Variants in SNAP91 observed in about 807,000 individuals in gnomAD.
SNAP91 encodes synaptosome associated protein 91.
In SNAP91, 27 loss-of-function variants were observed where a neutral mutation model predicts 100.3. That is an observed-to-expected ratio of 0.27 (90% confidence interval 0.20 to 0.37). The LOEUF is 0.37. SNAP91 is among the 10% of genes least tolerant of loss of function. The pLI is 1.00. For missense variants in SNAP91, 986 were observed against 1,123.7 expected (o/e 0.88, Z 1.75); for synonymous variants, 404 against 398.6 (o/e 1.01, Z -0.16).
intron 26 of SNAP91, among the ~76,000 whole-genome samples, chr6:83,570,954 T>C (rs982946858): frequency 4.6e-5 from 7 of 152,022 alleles, no homozygotes; most frequent in Admixed American, 1.3e-4. Context: ...GCCACTGTCC[T>C]CCAGACCCCA....
At chr6:83,665,695 T>A (rs1349765215) in intron 2 of SNAP91, 114 bp from the exon 3 acceptor site, 2 of 820,870 alleles carry the variant, frequency 2.4e-6, no homozygotes, top group Non-Finnish European at 3.7e-6. Context: ...AGTACTTTGA[T>A]AATAGCTGAT....
At position 83,696,642 on chromosome 6, in the gene SNAP91, T is replaced by C. The variant is rs140479949; in HGVS notation, c.130+11156A>G. Among the ~76,000 whole-genome samples the C allele has an allele frequency of 1.1e-4, 17 of 152,356 alleles. No individual in the cohort carries two copies. The East Asian group carries it at 3.3e-3, about 29-fold the overall frequency. On this transcript the variant is annotated intron_variant, in intron 2 of 29. Transcript: ENST00000369694. ...ACACAGCATTCTGCAGCAGTTCTTG[T>C]TCACACCTCACCTACTTTAAGTACC... is the stretch of plus-strand genomic sequence containing the variant.
Position 83,605,588 on chromosome 6 carries a change from T to G in SNAP91, c.1141+97A>C, listed in dbSNP as rs541581069. 8.2e-5 allele frequency: 120 copies of G among 1,460,598 alleles called. No individual in the cohort carries two copies. The East Asian group carries it at 2.9e-3, about 36-fold the overall frequency. 90.5% of individuals were successfully genotyped at this position (1,460,598 alleles called of 1,614,324 possible). A position where few individuals can be genotyped will look rare whatever the true frequency, so the allele number is the denominator to read the frequency against. ...TCCCTCCAAGTTTCTAATACCATTT[T>G]AGATAATCAAAAGGTAAATGTTAAC... is the stretch of plus-strand genomic sequence containing the variant. On this transcript the variant is annotated intron_variant, in intron 14 of 29. Coordinates refer to ENST00000369694, the MANE Select transcript of SNAP91 (RefSeq NM_001242792.2).
chr6:83,657,866 A>T (rs2098444529), intron 6 of SNAP91, among the ~76,000 whole-genome samples: 1 of 151,564 alleles, frequency 6.6e-6, no homozygotes, highest in African/African-American at 2.4e-5. Context: ...TCCCAGGTTC[A>T]AGCGATCCTC....
chr6:83,634,234 G>A (rs1226531188), intron 8 of SNAP91, among the ~76,000 whole-genome samples: 4 of 152,180 alleles, frequency 2.6e-5, no homozygotes, highest in Non-Finnish European at 5.9e-5. Context: ...CTTGCTAGGG[G>A]ACCCAGTAAG....
intron 2 of SNAP91, among the ~76,000 whole-genome samples, chr6:83,675,349 A>G (rs2098846307): frequency 1.3e-5 from 2 of 152,238 alleles, no homozygotes; most frequent in African/African-American, 4.8e-5. Flanking sequence ...GTATTTTTAT[A>G]TTAACATGTG....
intron 17 of SNAP91, 149 bp downstream of exon 17, chr6:83,594,225 T>C: frequency 4.5e-6 from 3 of 669,472 alleles, no homozygotes; most frequent in Non-Finnish European, 7.6e-6. Context: ...CTTAATGTTT[T>C]AAATGCTGGC....
At chr6:83,646,952 T>C (rs2097944285) in intron 7 of SNAP91, among the ~76,000 whole-genome samples, 1 of 152,208 alleles carries the variant, frequency 6.6e-6, no homozygotes, top group African/African-American at 2.4e-5. Context: ...GTGCTGATGT[T>C]AATGGCATTG....
chr6:83,661,575 A>G lies in SNAP91; in HGVS notation c.379T>C (p.Tyr127His). 1.2e-6 allele frequency: 2 copies of G among 1,607,564 alleles called. No homozygotes were observed. The highest frequency in any genetic ancestry group is 4.5e-5 in the East Asian group (2 of 44,734). ...GYDMSTFIRR[Y>H]SRYLNEKAFS... ...GCCTTTTCATTCAAATATCTACTAT[A>G]GCGCCTTATGAAGGTAGACATATCA... The change falls in exon 5 of 30, where the codon TAT becomes CAT. Residue 127 changes from tyrosine (Y) to histidine (H), a missense_variant. By Grantham distance (83) the Tyr-to-His change is moderately conservative. This residue lies in a region of SNAP91 where 330 missense variants were observed against 447.5 expected (regional missense o/e 0.74). Coordinates refer to ENST00000369694, the MANE Select transcript of SNAP91 (RefSeq NM_001242792.2).
intron 2 of SNAP91, among the ~76,000 whole-genome samples, chr6:83,676,623 C>T (rs561261203): frequency 7.2e-5 from 11 of 152,156 alleles, no homozygotes; most frequent in African/African-American, 2.7e-4. Flanking sequence ...AGGTTCCAGA[C>T]AACTCTGTGC....
At chr6:83,700,153 T>C (rs2099272980) in intron 2 of SNAP91, among the ~76,000 whole-genome samples, 1 of 152,156 alleles carries the variant, frequency 6.6e-6, no homozygotes, top group Non-Finnish European at 1.5e-5. Flanking sequence ...TAAATTTCTT[T>C]TCGTGGGAAG....
chr6:83,568,593 C>A (rs972070478), intron 26 of SNAP91, among the ~76,000 whole-genome samples: 1 of 151,884 alleles, frequency 6.6e-6, no homozygotes, highest in African/African-American at 2.4e-5. Context: ...ATGACAGAGC[C>A]CTGCCAGCAG....
chr6:83,613,101 G>A (rs2096258982), intron 11 of SNAP91, among the ~76,000 whole-genome samples: 1 of 152,038 alleles, frequency 6.6e-6, no homozygotes, highest in African/African-American at 2.4e-5. Flanking sequence ...ATTTTGCCAA[G>A]CTTCCACATA....
intron 11 of SNAP91, among the ~76,000 whole-genome samples, chr6:83,611,757 C>T (rs915044501): frequency 9.3e-5 from 14 of 150,674 alleles, no homozygotes; most frequent in African/African-American, 2.9e-4. Flanking sequence ...AGTGCAGTGG[C>T]GCAATCTCAG....
chr6:83,585,816 A>G (rs1285010803), intron 22 of SNAP91, among the ~76,000 whole-genome samples: 1 of 149,380 alleles, frequency 6.7e-6, no homozygotes, highest in Non-Finnish European at 1.5e-5. Flanking sequence ...AACACATCAT[A>G]TTGTTTCAGT....
At chr6:83,575,192 CTTAGA>C (rs1816225898) in intron 25 of SNAP91, 71 bp from the exon 26 acceptor site, 3 of 1,040,018 alleles carry the variant, frequency 2.9e-6, no homozygotes, top group Admixed American at 4.2e-5. Flanking sequence ...TGTGTGGCTC[CTTAGA>C]TTATTTTATT....
At position 83,659,217 on chromosome 6, in the gene SNAP91, G is replaced by C. The variant is rs1051569467; in HGVS notation, c.453-125C>G. ...CTTATTAATCCTGTGGGATCAATTTGAGGTATTACAAGGTTGTAGTCATTT... is the reference window on the plus strand; with the variant it reads ...CTTATTAATCCTGTGGGATCAATTTCAGGTATTACAAGGTTGTAGTCATTT... On this transcript the variant is annotated intron_variant, in intron 5 of 29. Coordinates refer to ENST00000369694, the MANE Select transcript of SNAP91 (RefSeq NM_001242792.2). 7.1e-6 allele frequency: 5 copies of C among 704,634 alleles called. No individual in the cohort carries two copies. The African/African-American group carries it at 9.0e-5, about 13-fold the overall frequency. The allele number at this position is 704,634 out of a possible 1,614,324, so 43.6% of individuals were successfully genotyped here. A position where few individuals can be genotyped will look rare whatever the true frequency, so the allele number is the denominator to read the frequency against.
intron 5 of SNAP91, among the ~76,000 whole-genome samples, chr6:83,660,946 T>G (rs1316595125): frequency 2.0e-5 from 3 of 152,004 alleles, no homozygotes; most frequent in Non-Finnish European, 4.4e-5. Flanking sequence ...GCCTGACTAA[T>G]TTGTTTAATT....
At chr6:83,590,930 A>G (rs2093652288) in intron 22 of SNAP91, among the ~76,000 whole-genome samples, 1 of 152,042 alleles carries the variant, frequency 6.6e-6, no homozygotes, top group South Asian at 2.1e-4. Flanking sequence ...TTATTTTTTA[A>G]AAACAATTTC....
Sources: allele counts gnomAD v4.1 joint callset (sites outside exome capture counted in the v4.1 genomes callset), GRCh38; gene constraint gnomAD v4.1.1; regional missense constraint gnomAD v4.1.1; transcripts MANE v1.5; gene names NCBI Gene and HGNC (gene_info 2026-07-23, HGNC 2026-07-21).